NPAS3: variants seen among roughly 807,000 people sequenced by gnomAD.
NPAS3 encodes neuronal PAS domain-containing protein 3.
NPAS3 carries 14 observed loss-of-function variants against 73.1 expected under a neutral mutation model. That is an observed-to-expected ratio of 0.19 (90% CI 0.13 to 0.30). NPAS3 has a LOEUF of 0.30. Among genes scored for constraint, NPAS3 ranks in the 10% least tolerant of loss-of-function variants. The probability of loss-of-function intolerance (pLI) is 1.00; values close to 1 mark genes in which losing one functional copy is unlikely to be tolerated. For synonymous variants in NPAS3, 620 were observed against 541.5 expected (o/e 1.14, Z -2.01); for missense variants, 1,096 against 1,250.0 (o/e 0.88, Z 1.86).
intron 6 of NPAS3, among the ~76,000 whole-genome samples, chr14:33,677,265 T>C (rs56289101): frequency 9.6e-4 from 146 of 152,306 alleles, no homozygotes; most frequent in Non-Finnish European, 1.5e-3. Context: ...CTTTTTGTAC[T>C]TTTTTAGAGG....
At chr14:33,540,981 C>T (rs1324283276) in intron 4 of NPAS3, among the ~76,000 whole-genome samples, 1 of 151,844 alleles carries the variant, frequency 6.6e-6, no homozygotes, top group Non-Finnish European at 1.5e-5. Context: ...ATGCGTTTTC[C>T]CCCCCAAGTC....
At position 32,946,907 on chromosome 14, in the gene NPAS3, G is replaced by T. The variant is rs557057331; in HGVS notation, c.50+7541G>T. Among the ~76,000 whole-genome samples the T allele has an allele frequency of 8.9e-4, 136 of 152,266 alleles. 1 individual carries two copies. In the Middle Eastern group the frequency reaches 0.01, roughly 11 times the overall value. Reference sequence around the variant, plus strand: ...ACCACCATCAGATCATCTTAAAAGAGATTACATCTGATTACATTATTATAT... The same window carrying T: ...ACCACCATCAGATCATCTTAAAAGATATTACATCTGATTACATTATTATAT... On this transcript the variant is annotated intron_variant, in intron 1 of 11. Transcript: ENST00000356141.
At chr14:33,334,563 G>A (rs575238652) in intron 3 of NPAS3, among the ~76,000 whole-genome samples, 15 of 152,032 alleles carry the variant, frequency 9.9e-5, no homozygotes, top group Non-Finnish European at 2.1e-4. Flanking sequence ...CTGCATGTTG[G>A]GGGTCTCCAG....
At chr14:33,208,864 C>T (rs763714811) in intron 2 of NPAS3, among the ~76,000 whole-genome samples, 11 of 152,180 alleles carry the variant, frequency 7.2e-5, no homozygotes, top group Non-Finnish European at 1.3e-4. Context: ...GACCATCAAA[C>T]AGTGCATCTT....
At chr14:33,682,531 C>T (rs1815017664) in intron 6 of NPAS3, among the ~76,000 whole-genome samples, 1 of 152,172 alleles carries the variant, frequency 6.6e-6, no homozygotes, top group South Asian at 2.1e-4. Context: ...ACAAGGACTA[C>T]CTTGCCAAAC....
intron 6 of NPAS3, among the ~76,000 whole-genome samples, chr14:33,688,736 C>G (rs1463462180): frequency 6.6e-6 from 1 of 152,196 alleles, no homozygotes; most frequent in Non-Finnish European, 1.5e-5. Flanking sequence ...AGGCTTTGAT[C>G]TGAAGGCTGT....
chr14:33,725,528 T>C (rs1292888156), intron 6 of NPAS3, among the ~76,000 whole-genome samples: 1 of 152,150 alleles, frequency 6.6e-6, no homozygotes, highest in Non-Finnish European at 1.5e-5. Context: ...TATCTATTTA[T>C]ATAAACTTTT....
intron 3 of NPAS3, among the ~76,000 whole-genome samples, chr14:33,231,969 A>G (rs570040826): frequency 6.6e-6 from 1 of 152,184 alleles, no homozygotes; most frequent in Admixed American, 6.5e-5. Flanking sequence ...ATGCTTATCT[A>G]TTACAATTCA....
At chr14:33,078,170 T>TA (rs1017175144) in intron 2 of NPAS3, among the ~76,000 whole-genome samples, 5 of 151,318 alleles carry the variant, frequency 3.3e-5, no homozygotes, top group Admixed American at 6.6e-5. Flanking sequence ...AACATAAAAA[T>TA]AAAAAAAAGA....
intron 1 of NPAS3, among the ~76,000 whole-genome samples, chr14:33,028,841 T>G (rs965439746): frequency 7.9e-5 from 12 of 152,198 alleles, no homozygotes; most frequent in African/African-American, 2.7e-4. Flanking sequence ...TTGTTTCATT[T>G]AAGTTCCAGT....
intron 7 of NPAS3, among the ~76,000 whole-genome samples, chr14:33,767,684 A>G (rs1336912868): frequency 6.6e-6 from 1 of 151,234 alleles, no homozygotes; most frequent in Non-Finnish European, 1.5e-5. Flanking sequence ...ATATGTGGGA[A>G]ATAATGCACA....
chr14:33,800,039 G>A lies in NPAS3; in HGVS notation c.1732G>A (p.Asp578Asn). Residue 578 changes from aspartate (D) to asparagine (N), a missense_variant, in exon 12 of 12, where the codon GAC (aspartate) becomes AAC (asparagine). Coordinates refer to ENST00000356141, the Ensembl canonical transcript of NPAS3. This position sits in a 1 kb window ranked among gnomAD's most constrained non-coding sequence, Gnocchi z 6.5. Reference sequence around the variant, plus strand: ...GCAGAACTGCGAGTCACTCACGTCCGACAGCGCCAAGGACTCGGACAGCGC... The same window carrying A: ...GCAGAACTGCGAGTCACTCACGTCCAACAGCGCCAAGGACTCGGACAGCGC... 2 of 1,608,978 alleles carry A rather than the reference G, an allele frequency of 1.2e-6. No individual in the cohort carries two copies. Among genetic ancestry groups the A allele is most frequent in the South Asian group, 1.1e-5 (1 of 90,838 alleles).
At chr14:33,278,603 ACTACT>A (rs954548950) in intron 3 of NPAS3, among the ~76,000 whole-genome samples, 3 of 152,146 alleles carry the variant, frequency 2.0e-5, no homozygotes, top group Non-Finnish European at 2.9e-5. Context: ...TATAAAAACC[ACTACT>A]CTAACAATTC....
At chr14:33,615,233 T>C (rs2057877557) in intron 5 of NPAS3, among the ~76,000 whole-genome samples, 1 of 152,102 alleles carries the variant, frequency 6.6e-6, no homozygotes, top group South Asian at 2.1e-4. Flanking sequence ...GAGTTGAAAC[T>C]TTACCTGGTA....
intron 2 of NPAS3, among the ~76,000 whole-genome samples, chr14:33,192,699 C>T (rs1180382052): frequency 1.3e-5 from 2 of 152,200 alleles, no homozygotes; most frequent in African/African-American, 4.8e-5. Context: ...TTAGTTGAAA[C>T]TTCAAATTGT....
At chr14:33,396,292 C>T (rs376848582) in intron 4 of NPAS3, among the ~76,000 whole-genome samples, 4 of 152,162 alleles carry the variant, frequency 2.6e-5, no homozygotes, top group African/African-American at 9.6e-5. Flanking sequence ...AAATTCTTCT[C>T]TCTTCCCTGT....
At chr14:33,706,586 T>G (rs2060662736) in intron 6 of NPAS3, among the ~76,000 whole-genome samples, 1 of 152,194 alleles carries the variant, frequency 6.6e-6, no homozygotes, top group South Asian at 2.1e-4. Context: ...AACTTTTTAC[T>G]GGACAGCCTT....
intron 5 of NPAS3, among the ~76,000 whole-genome samples, chr14:33,640,460 CAAAAA>C (rs1158949043): frequency 6.6e-6 from 1 of 151,384 alleles, no homozygotes; most frequent in Non-Finnish European, 1.5e-5. Context: ...AAGAGTATCT[CAAAAA>C]AAAGTTTAAA....
chr14:33,130,578 T>C (rs1049142505), intron 2 of NPAS3, among the ~76,000 whole-genome samples: 8 of 152,194 alleles, frequency 5.3e-5, no homozygotes, highest in Admixed American at 1.3e-4. Context: ...TGTAATCACA[T>C]TGTATGTTTT....
Sources: gnomAD v4.1 joint callset for allele counts (sites outside exome capture counted in the v4.1 genomes callset) on GRCh38, gnomAD v4.1.1 for gene constraint, Gnocchi (gnomAD v3.1) non-coding constraint, MANE v1.5 for transcripts, NCBI Gene and HGNC (gene_info 2026-07-23, HGNC 2026-07-21) for gene names.